Variants in MYEF2 observed in about 807,000 individuals in gnomAD.
MYEF2 encodes the protein myelin expression factor 2, also known as myelin gene expression factor 2.
In MYEF2, 37 loss-of-function variants were observed where a neutral mutation model predicts 75.2. The observed-to-expected ratio is 0.49, with a 90% CI of 0.38 to 0.65. The LOEUF (loss-of-function observed/expected upper bound fraction) is 0.65, where lower values mean the gene tolerates loss of function less well. Among genes scored for constraint, MYEF2 ranks in the 30% least tolerant of loss-of-function variants. The pLI is 0.00. For synonymous variants in MYEF2, 195 were observed against 241.6 expected (o/e 0.81, Z 1.79); for missense variants, 634 against 771.4 (o/e 0.82, Z 2.11).
chr15:48,151,806 AG>A, intron 12 of MYEF2, 67 bp downstream of exon 12: 2 of 1,536,288 alleles, frequency 1.3e-6, no homozygotes, highest in South Asian at 1.1e-5. Flanking sequence ...CCTAAGTTAT[AG>A]GGGGGAAATA....
At position 48,178,111 on chromosome 15, in the gene MYEF2, G is replaced by A. The variant is rs750585927; in HGVS notation, c.127C>T (p.Pro43Ser). ...PHPAEAEKQQ[P>S]QHSSSSNGVK... ...CCATTGGAGCTGCTGCTGTGCTGCG[G>A]CTGCTGCTTCTCCGCCTCCGCGGGG... is the stretch of plus-strand genomic sequence containing the variant. Residue 43 changes from proline to serine, a missense_variant, in exon 1 of 17, where the codon CCG becomes TCG. Pro to Ser is a moderately conservative substitution (Grantham distance 74, BLOSUM62 -1). Transcript: ENST00000324324. 3.1e-6 allele frequency: 5 copies of A among 1,597,188 alleles called. No homozygotes were observed. The highest frequency in any genetic ancestry group is 4.3e-6 in the Non-Finnish European group (5 of 1,172,726).
At chr15:48,155,359 A>C (rs1186033076) in intron 9 of MYEF2, among the ~76,000 whole-genome samples, 1 of 152,138 alleles carries the variant, frequency 6.6e-6, no homozygotes. Context: ...TCTAATCTAG[A>C]TGCACCTACT....
chr15:48,176,666 A>T (rs752792443), intron 1 of MYEF2, among the ~76,000 whole-genome samples: 2 of 152,216 alleles, frequency 1.3e-5, no homozygotes, highest in African/African-American at 2.4e-5. Flanking sequence ...AAAAGGTGGC[A>T]TGTATACTCG....
At position 48,136,742 on chromosome 15, in the gene MYEF2, A is replaced by C; in HGVS notation, c.*6166T>G. 1.2e-6 allele frequency: 2 copies of C among 1,613,594 alleles called. No homozygotes were observed. Among genetic ancestry groups the C allele is most frequent in the Non-Finnish European group, 1.7e-6 (2 of 1,179,758 alleles). On this transcript the variant is annotated 3_prime_UTR_variant, in exon 17 of 17. Coordinates refer to ENST00000324324, the MANE Select transcript of MYEF2 (RefSeq NM_016132.5). Reference sequence around the variant, plus strand: ...TTGTATGTTTTGGTGCTGTGTTTTGACATTAAAATTAACCAATATATTATA... The same window carrying C: ...TTGTATGTTTTGGTGCTGTGTTTTGCCATTAAAATTAACCAATATATTATA...
intron 5 of MYEF2, among the ~76,000 whole-genome samples, chr15:48,163,453 A>T (rs921526066): frequency 1.3e-5 from 2 of 152,246 alleles, no homozygotes; most frequent in African/African-American, 4.8e-5. Context: ...ATTTAAAGAA[A>T]GAAGCCATCT....
chr15:48,177,346 A>G (rs971679790), intron 1 of MYEF2, among the ~76,000 whole-genome samples: 2 of 152,110 alleles, frequency 1.3e-5, no homozygotes, highest in African/African-American at 4.8e-5. Context: ...GGAAAAAAAA[A>G]ATCTTAACCA....
At position 48,137,400 on chromosome 15, in the gene MYEF2, G is replaced by T. The variant is rs4143849; in HGVS notation, c.*5508C>A. ...CACATAGAGCACAGTATGTGCATAG[G>T]AAGGAAGGAGAGGAAAGGTAGAAAG... is the stretch of plus-strand genomic sequence containing the variant. On this transcript the variant is annotated 3_prime_UTR_variant, in exon 17 of 17. Coordinates refer to ENST00000324324, the MANE Select transcript of MYEF2 (RefSeq NM_016132.5). 0.047 allele frequency: 7,282 copies of T among 153,654 alleles called. 425 individuals are homozygous for T. The highest frequency in any genetic ancestry group is 0.13 in the African/African-American group (5,238 of 41,534). The allele number at this position is 153,654 out of a possible 1,614,324, so 9.5% of individuals were successfully genotyped here. A position where few individuals can be genotyped will look rare whatever the true frequency, so the allele number is the denominator to read the frequency against.
Position 48,168,715 on chromosome 15 carries a change from C to G in MYEF2, c.286G>C (p.Gly96Arg). 1 of 1,613,798 alleles carries G rather than the reference C, an allele frequency of 6.2e-7. No individual in the cohort carries two copies. Among genetic ancestry groups the G allele is most frequent in the Non-Finnish European group, 8.5e-7 (1 of 1,179,842 alleles). ...DKNSGAGEKK[G>R]PNRNRVFISN... ...ATGAAAACTCTGTTACGATTTGGAC[C>G]CTTCTTTTCTCCAGCGCCCGAATTC... The change falls in exon 2 of 17, where the codon GGT becomes CGT. Residue 96 changes from glycine (G) to arginine (R), a missense_variant. Gly to Arg is a moderately radical substitution (Grantham distance 125). Coordinates refer to ENST00000324324, the MANE Select transcript of MYEF2 (RefSeq NM_016132.5).
At chr15:48,154,251 T>C (rs1160536152) in intron 9 of MYEF2, among the ~76,000 whole-genome samples, 1 of 152,148 alleles carries the variant, frequency 6.6e-6, no homozygotes, top group Non-Finnish European at 1.5e-5. Flanking sequence ...TGCCCAAATT[T>C]GTAGACCCAC....
rs544640739 is a variant in MYEF2 at position 48,167,761 on chromosome 15, A to G, written c.371-360T>C. Among the ~76,000 whole-genome samples the G allele has an allele frequency of 2.0e-5, 3 of 152,276 alleles. No individual in the cohort carries two copies. In the East Asian group the frequency reaches 5.8e-4, roughly 29 times the overall value. On this transcript the variant is annotated intron_variant, in intron 2 of 16. Transcript: ENST00000324324. ...TAGCACTTTTCAAATAACTTTGGTC[A>G]GCCTACACACAACAGCTGTTTTAAG...
chr15:48,174,806 C>T (rs982047400), intron 1 of MYEF2, among the ~76,000 whole-genome samples: 1 of 151,918 alleles, frequency 6.6e-6, no homozygotes, highest in Non-Finnish European at 1.5e-5. Flanking sequence ...TTGCTGAGGA[C>T]GTGGAGAAAG....
At position 48,158,646 on chromosome 15, in the gene MYEF2, G is replaced by A. The variant is rs2039803461; in HGVS notation, c.871+123C>T. ...CCTACTAAGGGTTTTATTTGCTGGA[G>A]ACTAAAGTCTAACACACATCTCTAA... On this transcript the variant is annotated intron_variant, in intron 7 of 16. Transcript: ENST00000324324. The A allele has an allele frequency of 4.3e-6, 5 of 1,152,538 alleles. No individual in the cohort carries two copies. The African/African-American group carries it at 4.6e-5, about 11-fold the overall frequency. 71.4% of individuals were successfully genotyped at this position (1,152,538 alleles called of 1,614,324 possible).
rs1381011984 is a variant in MYEF2 at position 48,178,129 on chromosome 15, C to T, written c.109G>A (p.Glu37Lys). 1.3e-6 allele frequency: 2 copies of T among 1,588,536 alleles called. No individual in the cohort carries two copies. Among genetic ancestry groups the T allele is most frequent in the African/African-American group, 1.4e-5 (1 of 73,048 alleles). The change falls in exon 1 of 17, where the codon GAG becomes AAG. Residue 37 changes from glutamate (E) to lysine (K), a missense_variant. Glu to Lys is a moderately conservative substitution (Grantham distance 56). Transcript: ENST00000324324. ...TGCTGCGGCTGCTGCTTCTCCGCCT[C>T]CGCGGGGTGCGGCTCTCGCCGCGGC... is the stretch of plus-strand genomic sequence containing the variant. ...GEPRREPHPA[E>K]AEKQQPQHSS...
At chr15:48,150,346 C>T (rs538899276) in intron 14 of MYEF2, among the ~76,000 whole-genome samples, 11 of 152,056 alleles carry the variant, frequency 7.2e-5, no homozygotes, top group East Asian at 1.9e-4. Flanking sequence ...TGGAAGTAGA[C>T]GTCTTAAGCT....
intron 9 of MYEF2, among the ~76,000 whole-genome samples, chr15:48,156,519 A>G (rs2039703460): frequency 6.6e-6 from 1 of 151,896 alleles, no homozygotes; most frequent in African/African-American, 2.4e-5. Flanking sequence ...CAAAAAAAAA[A>G]GACAGAAAAT....
chr15:48,149,464 G>T lies in MYEF2; in HGVS notation c.1379-93C>A, dbSNP rs2039412786. 1.0e-6 allele frequency: 1 copy of T among 997,258 alleles called. No individual in the cohort carries two copies. Among genetic ancestry groups the T allele is most frequent in the African/African-American group, 1.6e-5 (1 of 61,848 alleles). 61.8% of individuals were successfully genotyped at this position (997,258 alleles called of 1,614,324 possible). A position where few individuals can be genotyped will look rare whatever the true frequency, so the allele number is the denominator to read the frequency against. Reference sequence around the variant, plus strand: ...AGGAGAAGAGGAGAAAGGAGGAAAAGGAGATAAACATTTTTGAGAAAGAAG... The same window carrying T: ...AGGAGAAGAGGAGAAAGGAGGAAAATGAGATAAACATTTTTGAGAAAGAAG... On this transcript the variant is annotated intron_variant, in intron 14 of 16. Coordinates refer to ENST00000324324, the MANE Select transcript of MYEF2 (RefSeq NM_016132.5). This position sits in a 1 kb window ranked among gnomAD's most constrained non-coding sequence, Gnocchi z 4.0.
Position 48,136,524 on chromosome 15 carries a change from C to G in MYEF2, c.*6384G>C. The G allele has an allele frequency of 1.7e-6, 1 of 587,980 alleles. No individual in the cohort carries two copies. The highest frequency in any genetic ancestry group is 2.8e-6 in the Non-Finnish European group (1 of 359,224). The allele number at this position is 587,980 out of a possible 1,614,324, so 36.4% of individuals were successfully genotyped here. A position where few individuals can be genotyped will look rare whatever the true frequency, so the allele number is the denominator to read the frequency against. On this transcript the variant is annotated 3_prime_UTR_variant, in exon 17 of 17. Coordinates refer to ENST00000324324, the MANE Select transcript of MYEF2 (RefSeq NM_016132.5). ...TCAATAAACATAATAATGCTGTAATCAAGTCTGGACAAATCTACAAAACAA... is the reference window on the plus strand; with the variant it reads ...TCAATAAACATAATAATGCTGTAATGAAGTCTGGACAAATCTACAAAACAA...
intron 12 of MYEF2, 94 bp downstream of exon 12, chr15:48,151,780 A>G: frequency 1.4e-6 from 2 of 1,448,918 alleles, no homozygotes; most frequent in Non-Finnish European, 1.9e-6. Flanking sequence ...TTCTGAAGAC[A>G]TTTTTAGCAC....
chr15:48,168,486 A>G (rs1567271390), intron 2 of MYEF2, 145 bp downstream of exon 2: 1 of 648,294 alleles, frequency 1.5e-6, no homozygotes, highest in Non-Finnish European at 2.6e-6. Context: ...CAAGAGAAAG[A>G]AGAGGAAAAG....
Sources: gnomAD v4.1 joint callset for allele counts (sites outside exome capture counted in the v4.1 genomes callset) on GRCh38, gnomAD v4.1.1 for gene constraint, Gnocchi (gnomAD v3.1) non-coding constraint, MANE v1.5 for transcripts, NCBI Gene and HGNC (gene_info 2026-07-23, HGNC 2026-07-21) for gene names.